Variants in ABCD2 observed in about 807,000 individuals in gnomAD.
The protein encoded by ABCD2 is ATP binding cassette subfamily D member 2, also known as ATP-binding cassette sub-family D member 2.
ABCD2 carries 36 observed loss-of-function variants against 70.9 expected under a neutral mutation model. The ratio of observed to expected loss-of-function variants is 0.51; its 90% CI spans 0.39 to 0.67. The LOEUF is 0.67. Among genes scored for constraint, ABCD2 ranks in the 30% least tolerant of loss-of-function variants. ABCD2 has a pLI of 0.00. For missense variants in ABCD2, 729 were observed against 890.2 expected, an observed-to-expected ratio of 0.82 and a Z score of 2.30; for synonymous variants, 304 against 306.9, an observed-to-expected ratio of 0.99 and a Z score of 0.10.
intron 9 of ABCD2, among the ~76,000 whole-genome samples, chr12:39,567,203 A>C (rs1335018772): frequency 1.3e-5 from 2 of 152,092 alleles, no homozygotes; most frequent in African/African-American, 4.8e-5. Flanking sequence ...TTTCTGTCTC[A>C]TTGATCTGTC....
At chr12:39,576,115 G>T (rs987021856) in intron 8 of ABCD2, among the ~76,000 whole-genome samples, 1 of 152,160 alleles carries the variant, frequency 6.6e-6, no homozygotes, top group African/African-American at 2.4e-5. Context: ...GGGTGATAGT[G>T]GGTAACAGCT....
the ABCD2 span, among the ~76,000 whole-genome samples, chr12:39,544,482 G>A: frequency 6.6e-6 from 1 of 152,172 alleles, no homozygotes; most frequent in African/African-American, 2.4e-5. Flanking sequence ...TACTGTCTTT[G>A]TGTAAAGTGT....
chr12:39,619,229 T>A lies in ABCD2; in HGVS notation c.387A>T (p.Gly129=). The A allele has an allele frequency of 6.2e-7, 1 of 1,614,116 alleles. No homozygotes were observed. The highest frequency in any genetic ancestry group is 8.5e-7 in the Non-Finnish European group (1 of 1,180,018). ...TTTCCACAATGCTTTTCACGATTTT[T>A]CCATCCAGACCAGCCACATAGATAG... The part of the protein sequence containing the change: ...FLSIYVAGLD[G]KIVKSIVEKK... Residue 129 remains glycine, a synonymous_variant, in exon 1 of 10, where the codon GGA becomes GGT. Coordinates refer to ENST00000308666, the MANE Select transcript of ABCD2 (RefSeq NM_005164.4).
At chr12:39,602,134 T>C (rs1349022800) in intron 5 of ABCD2, among the ~76,000 whole-genome samples, 3 of 102,390 alleles carry the variant, frequency 2.9e-5, no homozygotes. Flanking sequence ...AAATTTTATT[T>C]ATTTATTTAT....
intron 9 of ABCD2, among the ~76,000 whole-genome samples, chr12:39,555,745 GTGCCAGACAGAAACCTGTTGTCCC>G (rs1452654250): frequency 6.6e-6 from 1 of 152,142 alleles, no homozygotes; most frequent in Non-Finnish European, 1.5e-5. Flanking sequence ...ACCTGCCTCA[GTGCCAGACAGAAACCTGTTGTCCC>G]TGTCAGACAA....
rs1941101610 is a variant in ABCD2 at position 39,552,477 on chromosome 12, A to G, written c.*1435T>C. On this transcript the variant is annotated 3_prime_UTR_variant, in exon 10 of 10. Coordinates refer to ENST00000308666, the MANE Select transcript of ABCD2 (RefSeq NM_005164.4). ...AGTCTTGGCTTTCCAGCTCCAGTGCACACAAATAGAATAAAATCTATTTCA... is the reference window on the plus strand; with the variant it reads ...AGTCTTGGCTTTCCAGCTCCAGTGCGCACAAATAGAATAAAATCTATTTCA... The G allele has an allele frequency of 6.6e-6, 1 of 151,980 alleles. No individual in the cohort carries two copies. The highest frequency in any genetic ancestry group is 1.5e-5 in the Non-Finnish European group (1 of 67,854). 9.4% of individuals were successfully genotyped at this position (151,980 alleles called of 1,614,324 possible). A position where few individuals can be genotyped will look rare whatever the true frequency, so the allele number is the denominator to read the frequency against.
intron 7 of ABCD2, among the ~76,000 whole-genome samples, chr12:39,580,174 C>T (rs541489014): frequency 2.0e-5 from 3 of 152,148 alleles, no homozygotes; most frequent in Non-Finnish European, 4.4e-5. Flanking sequence ...CTCCTAGGTT[C>T]GAGCTATTTA....
At chr12:39,569,591 C>T (rs1028299499) in intron 9 of ABCD2, among the ~76,000 whole-genome samples, 11 of 152,140 alleles carry the variant, frequency 7.2e-5, no homozygotes, top group Admixed American at 3.3e-4. Context: ...GGCGATGCCT[C>T]GCCCTGCTTC....
At chr12:39,574,970 T>C (rs980598133) in intron 8 of ABCD2, among the ~76,000 whole-genome samples, 1 of 152,184 alleles carries the variant, frequency 6.6e-6, no homozygotes, top group African/African-American at 2.4e-5. Flanking sequence ...TCAGTGCATG[T>C]TCTCCATGAC....
chr12:39,587,356 A>G (rs1251587887), intron 6 of ABCD2, among the ~76,000 whole-genome samples: 1 of 152,234 alleles, frequency 6.6e-6, no homozygotes, highest in South Asian at 2.1e-4. Flanking sequence ...TTATTGAACC[A>G]GATAATTCTT....
chr12:39,604,854 T>C lies in ABCD2; in HGVS notation c.1313A>G (p.Tyr438Cys), dbSNP rs916895058. 1.9e-6 allele frequency: 3 copies of C among 1,612,584 alleles called. No homozygotes were observed. Among genetic ancestry groups the C allele is most frequent in the African/African-American group, 1.3e-5 (1 of 74,870 alleles). ...WVFDEVKRGI[Y>C]KRTAVIQESE... ...TTCTTGAATGACAGCAGTTCTCTTA[T>C]AAATGCCTCTTTTTACTTCATCAAA... The change falls in exon 4 of 10, where the codon TAT (tyrosine) becomes TGT (cysteine). Residue 438 changes from tyrosine (Y) to cysteine (C), a missense_variant. By Grantham distance (194) the Tyr-to-Cys change is radical. This residue lies in a region of ABCD2 where 195 missense variants were observed against 300.2 expected (regional missense o/e 0.65). Transcript: ENST00000308666.
intron 2 of ABCD2, among the ~76,000 whole-genome samples, chr12:39,609,715 T>G (rs1942019377): frequency 6.6e-6 from 1 of 152,206 alleles, no homozygotes. Flanking sequence ...TCTCAAAGGA[T>G]TTCAGTGCAA....
the ABCD2 span, among the ~76,000 whole-genome samples, chr12:39,536,900 T>C: frequency 6.6e-6 from 1 of 152,180 alleles, no homozygotes; most frequent in Non-Finnish European, 1.5e-5. Flanking sequence ...ACACTACCCA[T>C]GATAAAGCTT....
intron 2 of ABCD2, among the ~76,000 whole-genome samples, chr12:39,609,884 T>C (rs1020677773): frequency 8.5e-5 from 13 of 152,264 alleles, no homozygotes; most frequent in African/African-American, 3.1e-4. Context: ...TTAGGCAAGA[T>C]ACAGGAAAAA....
rs1276316538 is a variant in ABCD2, at chr12:39,600,689, T to C, written c.1528A>G (p.Thr510Ala). 18 of 1,611,080 alleles carry C rather than the reference T, an allele frequency of 1.1e-5. No individual in the cohort carries two copies. Among genetic ancestry groups the C allele is most frequent in the Non-Finnish European group, 1.5e-5 (18 of 1,178,828 alleles). Residue 510 changes from threonine (T) to alanine (A), a missense_variant, in exon 6 of 10, where the codon ACT (threonine) becomes GCT (alanine). Physicochemically the swap from Thr to Ala is moderately conservative, Grantham distance 58 (BLOSUM62 0). Transcript: ENST00000308666. ...KVEEGMHLLI[T>A]GPNGCGKSSL... The stretch of plus-strand genomic sequence containing the variant: ...CTTTTCCCACAACCATTGGGACCAG[T>C]TATCAAAAGATGCATTCCTTCTTCT...
chr12:39,605,405 T>C (rs1443746358), intron 3 of ABCD2, among the ~76,000 whole-genome samples: 1 of 152,124 alleles, frequency 6.6e-6, no homozygotes, highest in East Asian at 1.9e-4. Flanking sequence ...ATTCCTCTAT[T>C]TGGCAGGATA....
At chr12:39,545,500 G>A (rs1020085858), downstream of ABCD2, among the ~76,000 whole-genome samples, 3 of 152,110 alleles carry the variant, frequency 2.0e-5, no homozygotes, top group Admixed American at 2.0e-4. Context: ...TTCTCAGCAG[G>A]GAGATAACAG....
chr12:39,545,778 C>T (rs200842617), downstream of ABCD2, among the ~76,000 whole-genome samples: 1 of 152,064 alleles, frequency 6.6e-6, no homozygotes, highest in East Asian at 1.9e-4. Flanking sequence ...GGAAAGACCT[C>T]TTTATGGTCA....
At chr12:39,605,043 T>C (rs1941951514) in intron 3 of ABCD2, 113 bp from the exon 4 acceptor site, 3 of 770,074 alleles carry the variant, frequency 3.9e-6, no homozygotes, top group African/African-American at 1.8e-5. Context: ...TATTGCATTA[T>C]ACATGAGATA....
Sources: gnomAD v4.1 joint callset for allele counts (sites outside exome capture counted in the v4.1 genomes callset) on GRCh38, gnomAD v4.1.1 for gene constraint, gnomAD v4.1.1 regional missense constraint, MANE v1.5 for transcripts, NCBI Gene and HGNC (gene_info 2026-07-23, HGNC 2026-07-21) for gene names.